VAT1L: variants seen among roughly 807,000 people sequenced by gnomAD.
The protein encoded by VAT1L is putative NADPH-dependent quinone oxidoreductase VAT1L.
In VAT1L, 34 loss-of-function variants were observed where a neutral mutation model predicts 44.1. The ratio of observed to expected loss-of-function variants is 0.77; its 90% confidence interval spans 0.59 to 1.03. The LOEUF is 1.03. Ranked by LOEUF, VAT1L falls within the 50% of genes least tolerant of loss-of-function variation. The pLI is 0.00. For missense variants in VAT1L, 615 were observed against 538.8 expected (o/e 1.14, Z -1.40); for synonymous variants, 253 against 202.2 (o/e 1.25, Z -2.13).
At chr16:77,799,540 TG>T (rs1567466636) in intron 1 of VAT1L, among the ~76,000 whole-genome samples, 1 of 90,384 alleles carries the variant, frequency 1.1e-5, no homozygotes, top group African/African-American at 3.0e-5. Flanking sequence ...TGTGTGTGTG[TG>T]TGTGTGTGTG....
chr16:77,886,730 C>A (rs559318652), intron 7 of VAT1L, among the ~76,000 whole-genome samples: 1 of 152,200 alleles, frequency 6.6e-6, no homozygotes, highest in South Asian at 2.1e-4. Flanking sequence ...AGCTGCCTGT[C>A]GTAATAAGTT....
intron 3 of VAT1L, among the ~76,000 whole-genome samples, chr16:77,831,126 G>A (rs190670682): frequency 1.5e-3 from 232 of 152,322 alleles, no homozygotes; most frequent in African/African-American, 5.4e-3. Flanking sequence ...TTGGTAAGAA[G>A]AAGACAGGCA....
At chr16:77,922,313 A>T (rs575224986) in intron 7 of VAT1L, among the ~76,000 whole-genome samples, 19 of 152,216 alleles carry the variant, frequency 1.2e-4, no homozygotes, top group African/African-American at 4.1e-4. Context: ...GTTCAAGCTG[A>T]GTTTCTCAGA....
Position 77,977,900 on chromosome 16 carries a change from C to G in VAT1L, c.*205C>G. 2 of 545,234 alleles carry G rather than the reference C, an allele frequency of 3.7e-6. No homozygotes were observed. The highest frequency in any genetic ancestry group is 6.7e-6 in the Non-Finnish European group (2 of 299,980). The allele number at this position is 545,234 out of a possible 1,614,324, so 33.8% of individuals were successfully genotyped here. ...ATGCAGTATTATGTCCCTCTCCTAT[C>G]TGTGTATTACACATTCCCCTCTCCC... On this transcript the variant is annotated 3_prime_UTR_variant, in exon 9 of 9. Transcript: ENST00000302536.
At chr16:77,847,002 C>T (rs1042927852) in intron 3 of VAT1L, among the ~76,000 whole-genome samples, 4 of 152,056 alleles carry the variant, frequency 2.6e-5, no homozygotes, top group South Asian at 4.1e-4. Flanking sequence ...TTCCAGATTT[C>T]GTGATTTACA....
intron 7 of VAT1L, among the ~76,000 whole-genome samples, chr16:77,907,765 G>A (rs570477052): frequency 1.1e-4 from 16 of 152,222 alleles, no homozygotes; most frequent in Non-Finnish European, 2.2e-4. Context: ...TATCCTGCAG[G>A]GAGGAGTGGT....
At chr16:77,869,728 C>G (rs2017011137) in intron 4 of VAT1L, among the ~76,000 whole-genome samples, 1 of 152,118 alleles carries the variant, frequency 6.6e-6, no homozygotes, top group African/African-American at 2.4e-5. Context: ...TGAGCTGGCT[C>G]TGGAAGTTAG....
chr16:77,892,418 T>C, intron 7 of VAT1L: 1 of 452,542 alleles, frequency 2.2e-6, no homozygotes, highest in Non-Finnish European at 4.3e-6. Context: ...ACACTGCTGC[T>C]GCACCATGGT....
At chr16:77,917,482 G>C (rs1172944924) in intron 7 of VAT1L, among the ~76,000 whole-genome samples, 1 of 152,146 alleles carries the variant, frequency 6.6e-6, no homozygotes, top group Admixed American at 6.5e-5. Context: ...TCCTAATTCA[G>C]TCCCAATGAT....
At chr16:77,922,691 T>C (rs917594837) in intron 7 of VAT1L, among the ~76,000 whole-genome samples, 3 of 152,230 alleles carry the variant, frequency 2.0e-5, no homozygotes, top group Admixed American at 6.5e-5. Context: ...GGCAGTGTTT[T>C]AGGCACTTTT....
rs577152687 is a variant in VAT1L, at chr16:77,809,520, A to G, written c.234-7401A>G. Reference sequence around the variant, plus strand: ...ACTCAAGTGGTCCTTTGCAACCCTAACAGCACATGAGAGTGTGTGCTTTCA... The same window carrying G: ...ACTCAAGTGGTCCTTTGCAACCCTAGCAGCACATGAGAGTGTGTGCTTTCA... On this transcript the variant is annotated intron_variant, in intron 1 of 8. Coordinates refer to ENST00000302536, the MANE Select transcript of VAT1L (RefSeq NM_020927.3). 5.9e-5 allele frequency among the ~76,000 whole-genome samples: 9 copies of G among 152,242 alleles called. No individual in the cohort carries two copies. The East Asian group carries it at 9.7e-4, about 16-fold the overall frequency.
chr16:77,877,462 G>A (rs1458440647), intron 5 of VAT1L, among the ~76,000 whole-genome samples: 3 of 140,876 alleles, frequency 2.1e-5, no homozygotes, highest in Admixed American at 1.5e-4. Flanking sequence ...GCAGTGAGCC[G>A]AGACCGCGCC....
chr16:77,848,087 G>C (rs2016774516), intron 3 of VAT1L, among the ~76,000 whole-genome samples: 1 of 152,210 alleles, frequency 6.6e-6, no homozygotes. Context: ...AATATCAACA[G>C]GGAGTAAGAA....
At chr16:77,816,326 C>G (rs1348588802) in intron 1 of VAT1L, among the ~76,000 whole-genome samples, 1 of 152,196 alleles carries the variant, frequency 6.6e-6, no homozygotes, top group Non-Finnish European at 1.5e-5. Flanking sequence ...TGAGTCCCCT[C>G]TCCTCCAGTG....
At chr16:77,961,077 T>G (rs2018154925) in intron 7 of VAT1L, among the ~76,000 whole-genome samples, 1 of 152,154 alleles carries the variant, frequency 6.6e-6, no homozygotes, top group African/African-American at 2.4e-5. Context: ...TAAATTTTTC[T>G]GAGAGCATCT....
At chr16:77,860,876 G>C (rs2016908204) in intron 3 of VAT1L, among the ~76,000 whole-genome samples, 1 of 152,186 alleles carries the variant, frequency 6.6e-6, no homozygotes, top group Admixed American at 6.5e-5. Context: ...TTTTAGGTAG[G>C]AAGTTTAAAG....
intron 7 of VAT1L, among the ~76,000 whole-genome samples, chr16:77,970,987 T>A (rs544351264): frequency 6.8e-6 from 1 of 147,598 alleles, no homozygotes; most frequent in Non-Finnish European, 1.5e-5. Context: ...TCAGGAAAAA[T>A]ATTTAGGCTA....
At chr16:77,967,726 C>A (rs1393208469) in intron 7 of VAT1L, among the ~76,000 whole-genome samples, 1 of 152,174 alleles carries the variant, frequency 6.6e-6, no homozygotes, top group African/African-American at 2.4e-5. Context: ...TTCAGTTTCT[C>A]TGGGCTCTGT....
intron 7 of VAT1L, among the ~76,000 whole-genome samples, chr16:77,955,300 G>T (rs889536852): frequency 6.6e-6 from 1 of 152,222 alleles, no homozygotes; most frequent in Non-Finnish European, 1.5e-5. Context: ...TCACAACGGG[G>T]TAGCGCTACT....
Sources: gnomAD v4.1 joint callset for allele counts (sites outside exome capture counted in the v4.1 genomes callset) on GRCh38, gnomAD v4.1.1 for gene constraint, MANE v1.5 for transcripts, NCBI Gene and HGNC (gene_info 2026-07-23, HGNC 2026-07-21) for gene names.